RNF180: variants seen among roughly 807,000 people sequenced by gnomAD.
The protein encoded by RNF180 is ring finger protein 180.
Under a neutral mutation model 59.2 loss-of-function variants are expected in RNF180, and 38 were observed. The observed-to-expected ratio is 0.64, with a 90% CI of 0.50 to 0.84. The LOEUF is 0.84. Ranked by LOEUF, RNF180 falls within the 40% of genes least tolerant of loss-of-function variation. The pLI is 0.00. For synonymous variants in RNF180, 262 were observed against 240.3 expected (o/e 1.09, Z -0.84); for missense variants, 705 against 700.9 (o/e 1.01, Z -0.07).
At chr5:64,348,555 A>C (rs1366376451) in intron 7 of RNF180, among the ~76,000 whole-genome samples, 1 of 152,100 alleles carries the variant, frequency 6.6e-6, no homozygotes, top group Admixed American at 6.6e-5. Context: ...TTTTGTTGGA[A>C]ACACAAGCAG....
At chr5:64,287,303 A>G (rs1291036157) in intron 5 of RNF180, among the ~76,000 whole-genome samples, 1 of 152,172 alleles carries the variant, frequency 6.6e-6, no homozygotes, top group African/African-American at 2.4e-5. Flanking sequence ...CTACTTGAAA[A>G]ATCAGGTTAC....
intron 1 of RNF180, chr5:64,166,328 T>G (rs1305682439): frequency 6.6e-6 from 1 of 152,378 alleles, no homozygotes; most frequent in Non-Finnish European, 1.5e-5. Flanking sequence ...CCTCTCCAGG[T>G]CTGAGGTGGG....
intron 6 of RNF180, among the ~76,000 whole-genome samples, chr5:64,329,021 T>C (rs548669622): frequency 7.2e-5 from 11 of 152,330 alleles, no homozygotes; most frequent in African/African-American, 1.9e-4. Flanking sequence ...TACCATCATA[T>C]ATGTTCTCCA....
In RNF180 at chr5:64,224,062, GGTGTGTGTGTGTGTGT is replaced by G. The variant is rs10694125; in HGVS notation, c.1227+6693_1227+6708del. Among the ~76,000 whole-genome samples the G allele has an allele frequency of 1.0e-3, 148 of 141,460 alleles. 3 individuals carry two copies. The South Asian group carries it at 0.026, about 25-fold the overall frequency. The allele number at this position is 141,460 out of a possible 152,430, so 92.8% of individuals were successfully genotyped here. A position where few individuals can be genotyped will look rare whatever the true frequency, so the allele number is the denominator to read the frequency against. On this transcript the variant is annotated intron_variant, in intron 5 of 7. Transcript: ENST00000389100. The stretch of plus-strand genomic sequence containing the variant: ...ATTTTCTTCAGTTGATCTAGGTTGG[GGTGTGTGTGTGTGTGT>G]GTGTGTGTGTGTGTGTGTGTGTGTG...
intron 5 of RNF180, among the ~76,000 whole-genome samples, chr5:64,304,566 C>A (rs1327929062): frequency 6.6e-6 from 1 of 151,430 alleles, no homozygotes; most frequent in African/African-American, 2.4e-5. Context: ...TTACAAGAGA[C>A]CTAGAATTAG....
chr5:64,203,133 T>C (rs1171126137), intron 2 of RNF180, among the ~76,000 whole-genome samples: 1 of 152,160 alleles, frequency 6.6e-6, no homozygotes, highest in Non-Finnish European at 1.5e-5. Flanking sequence ...TTGGGATGGA[T>C]AGTGGAAGAG....
At chr5:64,330,545 G>A (rs962995148) in intron 7 of RNF180, 139 bp downstream of exon 7, 1 of 824,320 alleles carries the variant, frequency 1.2e-6, no homozygotes, top group South Asian at 1.7e-5. Context: ...ATTTTGCTAA[G>A]TATCTCCTTG....
At chr5:64,275,199 C>G (rs1741648071) in intron 5 of RNF180, among the ~76,000 whole-genome samples, 1 of 151,378 alleles carries the variant, frequency 6.6e-6, no homozygotes. Context: ...TCCATATGCT[C>G]TTAATCACTG....
chr5:64,364,052 C>G (rs1746355611), intron 7 of RNF180, among the ~76,000 whole-genome samples: 1 of 151,840 alleles, frequency 6.6e-6, no homozygotes, highest in African/African-American at 2.4e-5. Context: ...TTGACTTCCT[C>G]TCTTCCTATT....
In RNF180 at chr5:64,318,246, T is replaced by C. The variant is rs185526677; in HGVS notation, c.1228-6940T>C. ...TAACTATATTCTGTAATAAAAGTTA[T>C]GTGAATGTGTTCTCCCTCTTCTCTC... On this transcript the variant is annotated intron_variant, in intron 5 of 7. Coordinates refer to ENST00000389100, the MANE Select transcript of RNF180 (RefSeq NM_001113561.2). Among the ~76,000 whole-genome samples, 460 of 152,344 alleles carry C rather than the reference T, an allele frequency of 3.0e-3. 6 individuals are homozygous for C. Among genetic ancestry groups the C allele is most frequent in the Non-Finnish European group, 4.0e-3 (274 of 68,022 alleles).
chr5:64,304,608 A>G (rs1208961271), intron 5 of RNF180, among the ~76,000 whole-genome samples: 4 of 151,694 alleles, frequency 2.6e-5, no homozygotes, highest in East Asian at 1.9e-4. Flanking sequence ...CTGAATTGCT[A>G]CAATCTCATG....
At chr5:64,229,205 T>C (rs1741967450) in intron 5 of RNF180, among the ~76,000 whole-genome samples, 1 of 152,078 alleles carries the variant, frequency 6.6e-6, no homozygotes, top group South Asian at 2.1e-4. Flanking sequence ...GATTACAGGC[T>C]TGAGGCACTG....
At chr5:64,238,058 G>A (rs1271732067) in intron 5 of RNF180, among the ~76,000 whole-genome samples, 1 of 152,164 alleles carries the variant, frequency 6.6e-6, no homozygotes, top group Admixed American at 6.5e-5. Context: ...AACTTGACGA[G>A]TTTTAGATAC....
Position 64,325,193 on chromosome 5 carries a change from A to G in RNF180, c.1235A>G (p.Asn412Ser), listed in dbSNP as rs1331086962. The G allele has an allele frequency of 1.3e-6, 2 of 1,547,754 alleles. No homozygotes were observed. The highest frequency in any genetic ancestry group is 8.7e-7 in the Non-Finnish European group (1 of 1,143,522). The change falls in exon 6 of 8, where the codon AAT (asparagine) becomes AGT (serine). Residue 412 changes from asparagine to serine, a missense_variant. Physicochemically the swap from Asn to Ser is conservative, Grantham distance 46. Coordinates refer to ENST00000389100, the MANE Select transcript of RNF180 (RefSeq NM_001113561.2). ...GVGLLDHMTL[N>S]NEMSTDEDNE... ...TTTTCTTATGTTTTGCAGACTTTGAATAATGAGATGAGTACAGATGAAGAC... is the reference window on the plus strand; with the variant it reads ...TTTTCTTATGTTTTGCAGACTTTGAGTAATGAGATGAGTACAGATGAAGAC...
chr5:64,212,059 T>C lies in RNF180; in HGVS notation c.136-6T>C. On this transcript the variant is annotated splice_polypyrimidine_tract_variant and splice_region_variant and intron_variant, in intron 2 of 7. Coordinates refer to ENST00000389100, the MANE Select transcript of RNF180 (RefSeq NM_001113561.2). ...ATTAGTAATATCATTTATTTTTATTTAACAGGATAAAGATGATTCAGTTGA... is the reference window on the plus strand; with the variant it reads ...ATTAGTAATATCATTTATTTTTATTCAACAGGATAAAGATGATTCAGTTGA... 1.3e-6 allele frequency: 2 copies of C among 1,502,180 alleles called. No homozygotes were observed. Among genetic ancestry groups the C allele is most frequent in the Middle Eastern group, 1.7e-4 (1 of 5,802 alleles). 93.1% of individuals were successfully genotyped at this position (1,502,180 alleles called of 1,614,324 possible). A position where few individuals can be genotyped will look rare whatever the true frequency, so the allele number is the denominator to read the frequency against.
At chr5:64,255,267 A>C (rs145543976) in intron 5 of RNF180, among the ~76,000 whole-genome samples, 1 of 152,076 alleles carries the variant, frequency 6.6e-6, no homozygotes, top group Middle Eastern at 3.2e-3. Context: ...GGTTTGTTGC[A>C]TATGTATACA....
At chr5:64,353,177 G>T (rs1745883849) in intron 7 of RNF180, among the ~76,000 whole-genome samples, 1 of 151,568 alleles carries the variant, frequency 6.6e-6, no homozygotes, top group South Asian at 2.1e-4. Context: ...AGACTAATTG[G>T]TAATATCTAG....
chr5:64,191,470 A>G (rs1382220081), intron 1 of RNF180, among the ~76,000 whole-genome samples: 2 of 152,168 alleles, frequency 1.3e-5, no homozygotes, highest in South Asian at 4.1e-4. Flanking sequence ...CTCCCCCCAG[A>G]TACTTAGATA....
At chr5:64,259,147 G>A (rs1049698551) in intron 5 of RNF180, among the ~76,000 whole-genome samples, 5 of 152,278 alleles carry the variant, frequency 3.3e-5, no homozygotes, top group Admixed American at 6.5e-5. Flanking sequence ...TTCTCTTGAG[G>A]AACATGCTGT....
Sources: allele counts gnomAD v4.1 joint callset (sites outside exome capture counted in the v4.1 genomes callset), GRCh38; gene constraint gnomAD v4.1.1; transcripts MANE v1.5; gene names NCBI Gene and HGNC (gene_info 2026-07-23, HGNC 2026-07-21).